ARMC9: variants seen among roughly 807,000 people sequenced by gnomAD.
ARMC9 encodes lisH domain-containing protein ARMC9.
Under a neutral mutation model 107.0 loss-of-function variants are expected in ARMC9, and 94 were observed. The observed-to-expected ratio is 0.88, with a 90% CI of 0.74 to 1.04. The LOEUF (loss-of-function observed/expected upper bound fraction) is 1.04. ARMC9 is among the 50% of genes least tolerant of loss of function. The pLI is 0.00. For missense variants in ARMC9, 942 were observed against 1,030.1 expected, an observed-to-expected ratio of 0.91 and a Z score of 1.17; for synonymous variants, 380 against 396.9, an observed-to-expected ratio of 0.96 and a Z score of 0.51.
At chr2:231,241,465 C>T (rs972048684) in intron 9 of ARMC9, among the ~76,000 whole-genome samples, 1 of 151,976 alleles carries the variant, frequency 6.6e-6, no homozygotes, top group Non-Finnish European at 1.5e-5. Context: ...TCACAGGCTG[C>T]GTGGGTGAAG....
At chr2:231,230,617 A>G (rs1360341552) in intron 7 of ARMC9, among the ~76,000 whole-genome samples, 1 of 152,142 alleles carries the variant, frequency 6.6e-6, no homozygotes, top group Non-Finnish European at 1.5e-5. Flanking sequence ...CAGTATCTAC[A>G]AGGATTGCTT....
chr2:231,230,990 G>T (rs1418063781), intron 7 of ARMC9, among the ~76,000 whole-genome samples: 1 of 152,218 alleles, frequency 6.6e-6, no homozygotes. Context: ...CCAATAGGCT[G>T]CAGGCAGTTA....
chr2:231,356,399 A>G (rs928042006), intron 22 of ARMC9, among the ~76,000 whole-genome samples: 2 of 152,232 alleles, frequency 1.3e-5, no homozygotes, highest in African/African-American at 2.4e-5. Flanking sequence ...CCAGAGGCTG[A>G]TGGGAGATAA....
chr2:231,199,133 C>G (rs1480609106), intron 1 of ARMC9, among the ~76,000 whole-genome samples: 1 of 152,212 alleles, frequency 6.6e-6, no homozygotes, highest in Non-Finnish European at 1.5e-5. Flanking sequence ...AAACAGGATG[C>G]GTGCTATGCA....
chr2:231,351,419 G>A (rs1416083320), intron 21 of ARMC9, among the ~76,000 whole-genome samples: 1 of 151,976 alleles, frequency 6.6e-6, no homozygotes, highest in Non-Finnish European at 1.5e-5. Context: ...TTCCCTTACC[G>A]TTTAAACCAG....
At chr2:231,325,643 GGA>G (rs376828594) in intron 19 of ARMC9, among the ~76,000 whole-genome samples, 1 of 152,088 alleles carries the variant, frequency 6.6e-6, no homozygotes, top group African/African-American at 2.4e-5. Context: ...TGGTTCACAA[GGA>G]GTACTCATTT....
At chr2:231,208,725 C>T (rs1474255349) in intron 3 of ARMC9, among the ~76,000 whole-genome samples, 3 of 152,104 alleles carry the variant, frequency 2.0e-5, no homozygotes, top group Non-Finnish European at 2.9e-5. Flanking sequence ...CAGTGGGCTG[C>T]AGGGGCACAG....
At chr2:231,369,448 A>G (rs1022256649) in intron 23 of ARMC9, among the ~76,000 whole-genome samples, 1 of 151,412 alleles carries the variant, frequency 6.6e-6, no homozygotes, top group Non-Finnish European at 1.5e-5. Flanking sequence ...ATCTGCCACC[A>G]TGCCTGGGTA....
At chr2:231,206,422 A>T in intron 2 of ARMC9, 133 bp downstream of exon 2, 1 of 743,026 alleles carries the variant, frequency 1.3e-6, no homozygotes, top group East Asian at 3.0e-5. Flanking sequence ...TCTATTATAT[A>T]ATATTCCATG....
At chr2:231,235,181 T>C (rs939229009) in intron 7 of ARMC9, 43 bp from the exon 8 acceptor site, 15 of 1,574,052 alleles carry the variant, frequency 9.5e-6, no homozygotes, top group Non-Finnish European at 1.3e-5. Context: ...TTTTTCATAT[T>C]GTGGATTTTT....
intron 7 of ARMC9, among the ~76,000 whole-genome samples, chr2:231,227,980 A>G (rs141458155): frequency 2.6e-5 from 4 of 152,266 alleles, no homozygotes; most frequent in Admixed American, 2.6e-4. Context: ...GGGTCGCAGG[A>G]GCACCCTGAG....
chr2:231,327,020 T>G (rs1462185191), intron 19 of ARMC9, among the ~76,000 whole-genome samples: 1 of 152,104 alleles, frequency 6.6e-6, no homozygotes, highest in Non-Finnish European at 1.5e-5. Context: ...GCTGCCACCT[T>G]CCTCCAGGGC....
At chr2:231,302,437 GTTTTTTTTT>G (rs56032700) in intron 19 of ARMC9, among the ~76,000 whole-genome samples, 5 of 58,072 alleles carry the variant, frequency 8.6e-5, no homozygotes, top group East Asian at 6.0e-4. Flanking sequence ...TTGTGGGTTT[GTTTTTTTTT>G]TTTTTTTTTT....
chr2:231,219,983 C>T (rs1163244338), intron 5 of ARMC9, among the ~76,000 whole-genome samples: 1 of 152,120 alleles, frequency 6.6e-6, no homozygotes. Flanking sequence ...GCGTGCGCCA[C>T]CACCATTTTG....
chr2:231,285,933 G>A (rs1045717878), intron 17 of ARMC9, among the ~76,000 whole-genome samples: 5 of 152,094 alleles, frequency 3.3e-5, no homozygotes, highest in African/African-American at 9.7e-5. Flanking sequence ...CATTTGCTTG[G>A]CAGAGTTTAG....
intron 19 of ARMC9, among the ~76,000 whole-genome samples, chr2:231,321,880 G>C (rs1483334282): frequency 6.6e-6 from 1 of 152,020 alleles, no homozygotes; most frequent in Non-Finnish European, 1.5e-5. Flanking sequence ...TCTCTTATTG[G>C]GTGTATTAAA....
At chr2:231,308,004 G>A (rs1192403382) in intron 19 of ARMC9, among the ~76,000 whole-genome samples, 2 of 152,214 alleles carry the variant, frequency 1.3e-5, no homozygotes, top group African/African-American at 4.8e-5. Flanking sequence ...CACAGCTCAG[G>A]GAGTATGGAG....
chr2:231,305,388 A>G (rs1236670698), intron 19 of ARMC9, among the ~76,000 whole-genome samples: 1 of 152,262 alleles, frequency 6.6e-6, no homozygotes, highest in African/African-American at 2.4e-5. Context: ...TAAGTATTTC[A>G]GCCAGTATTA....
intron 23 of ARMC9, among the ~76,000 whole-genome samples, chr2:231,367,810 C>G (rs1378141931): frequency 6.6e-6 from 1 of 151,708 alleles, no homozygotes; most frequent in African/African-American, 2.4e-5. Flanking sequence ...TTGTGAAACC[C>G]TGTCTCTTCT....
Sources: gnomAD v4.1 joint callset for allele counts (sites outside exome capture counted in the v4.1 genomes callset) on GRCh38, gnomAD v4.1.1 for gene constraint, MANE v1.5 for transcripts, NCBI Gene and HGNC (gene_info 2026-07-23, HGNC 2026-07-21) for gene names.